DRC2: variants seen among roughly 807,000 people sequenced by gnomAD.
DRC2 encodes the protein coiled-coil domain containing 65.
At chr12:48,908,058 C>G in the DRC2 span, among the ~76,000 whole-genome samples, 1 of 152,126 alleles carries the variant, frequency 6.6e-6, no homozygotes, top group Admixed American at 6.6e-5. Flanking sequence ...ATCCTCCCAC[C>G]TGAGCAGTTG....
chr12:48,909,120 C>G, the DRC2 span, among the ~76,000 whole-genome samples: 1 of 149,914 alleles, frequency 6.7e-6, no homozygotes, highest in Non-Finnish European at 1.5e-5. Flanking sequence ...CTCGGCTCAC[C>G]GCAACCTCCA....
chr12:48,918,084 T>C, the DRC2 span: 1 of 562,592 alleles, frequency 1.8e-6, no homozygotes, highest in Non-Finnish European at 3.1e-6. Flanking sequence ...TCCTCTCCAG[T>C]TCACCACAGG....
At chr12:48,921,164 C>T in the DRC2 span, 1 of 1,613,452 alleles carries the variant, frequency 6.2e-7, no homozygotes, top group Non-Finnish European at 8.5e-7. Flanking sequence ...AACTCCACTC[C>T]CAGGTGATGG....
the DRC2 span, among the ~76,000 whole-genome samples, chr12:48,913,712 G>A: frequency 6.6e-6 from 1 of 152,058 alleles, no homozygotes; most frequent in South Asian, 2.1e-4. Context: ...GGCCAGGCTG[G>A]TCTCGAACTC....
At chr12:48,921,480 C>G in the DRC2 span, 7 of 1,552,662 alleles carry the variant, frequency 4.5e-6, no homozygotes, top group Admixed American at 1.0e-4. Context: ...CTTCCACAAC[C>G]TGTGATCTAA....
chr12:48,911,739 A>T, the DRC2 span, among the ~76,000 whole-genome samples: 7 of 152,230 alleles, frequency 4.6e-5, no homozygotes, highest in African/African-American at 1.7e-4. Flanking sequence ...ATCTGGGATT[A>T]CAGGTGTGAG....
the DRC2 span, among the ~76,000 whole-genome samples, chr12:48,915,110 CTTTCT>C: frequency 1.2e-4 from 7 of 56,912 alleles, no homozygotes; most frequent in Admixed American, 5.8e-4. Flanking sequence ...TACCCACTTT[CTTTCT>C]TTTTTTTTTT....
At chr12:48,915,799 C>G in the DRC2 span, among the ~76,000 whole-genome samples, 64 of 151,522 alleles carry the variant, frequency 4.2e-4, no homozygotes, top group African/African-American at 1.5e-3. Flanking sequence ...ACCTCCCTCC[C>G]GGACGGGGTG....
chr12:48,916,019 G>T, the DRC2 span, among the ~76,000 whole-genome samples: 2 of 150,364 alleles, frequency 1.3e-5, no homozygotes, highest in African/African-American at 4.9e-5. Context: ...GGGCAGAGAC[G>T]CTCCTCACTT....
chr12:48,915,723 G>A, the DRC2 span, among the ~76,000 whole-genome samples: 8 of 151,166 alleles, frequency 5.3e-5, no homozygotes, highest in East Asian at 4.0e-4. Flanking sequence ...CAGTAGGGGC[G>A]GCCGGGCAGA....
chr12:48,918,855 C>T, the DRC2 span: 20 of 1,613,916 alleles, frequency 1.2e-5, no homozygotes, highest in Non-Finnish European at 1.6e-5. Context: ...TCAGACTCAC[C>T]CTGGAAAGTA....
At chr12:48,916,079 G>C in the DRC2 span, among the ~76,000 whole-genome samples, 1 of 149,022 alleles carries the variant, frequency 6.7e-6, no homozygotes, top group Non-Finnish European at 1.5e-5. Context: ...TCCCAGATGG[G>C]ATGGCGGCCA....
the DRC2 span, among the ~76,000 whole-genome samples, chr12:48,906,011 C>A: frequency 1.6e-4 from 25 of 152,072 alleles, no homozygotes; most frequent in African/African-American, 5.8e-4. Context: ...GACCTTGTGA[C>A]CCACCCGCCT....
chr12:48,919,642 T>C, the DRC2 span, among the ~76,000 whole-genome samples: 2 of 151,966 alleles, frequency 1.3e-5, no homozygotes, highest in East Asian at 1.9e-4. Flanking sequence ...CTCAGCCTCC[T>C]GAGTAGCTGG....
At chr12:48,915,340 CTG>C in the DRC2 span, among the ~76,000 whole-genome samples, 1 of 145,944 alleles carries the variant, frequency 6.9e-6, no homozygotes, top group Non-Finnish European at 1.5e-5. Context: ...CTTCAAGCAT[CTG>C]TTTAACAAAG....
chr12:48,917,473 A>T, the DRC2 span, among the ~76,000 whole-genome samples: 1 of 151,880 alleles, frequency 6.6e-6, no homozygotes, highest in Non-Finnish European at 1.5e-5. Context: ...CAAAAAAATT[A>T]AAAAAAGAAA....
chr12:48,914,433 G>A, the DRC2 span: 20 of 1,613,214 alleles, frequency 1.2e-5, no homozygotes, highest in Admixed American at 1.7e-5. Context: ...CCGAAGCCGA[G>A]GAGCAGTACG....
chr12:48,910,076 G>A, the DRC2 span, among the ~76,000 whole-genome samples: 4 of 152,132 alleles, frequency 2.6e-5, no homozygotes, highest in Admixed American at 1.3e-4. Context: ...CACCATGCCC[G>A]GCCATCCTGG....
the DRC2 span, chr12:48,904,269 C>T: frequency 1.3e-6 from 2 of 1,544,636 alleles, no homozygotes; most frequent in African/African-American, 1.4e-5. Context: ...GGACATTTTT[C>T]TTCTAAGCTC....
Sources: allele counts gnomAD v4.1 joint callset (sites outside exome capture counted in the v4.1 genomes callset), GRCh38; gene constraint gnomAD v4.1.1; transcripts MANE v1.5; gene names NCBI Gene and HGNC (gene_info 2026-07-23, HGNC 2026-07-21).